ABL1: variants seen among roughly 807,000 people sequenced by gnomAD.
ABL1 encodes the protein tyrosine-protein kinase ABL1.
A neutral mutation model predicts 94.7 loss-of-function variants in ABL1; 11 were observed. That is an observed-to-expected ratio of 0.12 (90% CI 0.07 to 0.19). The LOEUF (loss-of-function observed/expected upper bound fraction) is 0.19, where lower values mean the gene tolerates loss of function less well. Among genes scored for constraint, ABL1 ranks in the 10% least tolerant of loss-of-function variants. The probability of loss-of-function intolerance (pLI) is 1.00; values close to 1 mark genes in which losing one functional copy is unlikely to be tolerated. For missense variants in ABL1, 1,082 were observed against 1,489.4 expected, an observed-to-expected ratio of 0.73 and a Z score of 4.50; for synonymous variants, 656 against 622.4, an observed-to-expected ratio of 1.05 and a Z score of -0.80.
At chr9:130,813,669 A>G (rs1483837834) in intron 1 of ABL1, among the ~76,000 whole-genome samples, 2 of 152,160 alleles carry the variant, frequency 1.3e-5, no homozygotes, top group Non-Finnish European at 2.9e-5. Flanking sequence ...ATATTTGGAA[A>G]ATAACATAAT....
rs894773246 is a variant in ABL1, at chr9:130,862,364, T to C, written c.550-399T>C. On this transcript the variant is annotated intron_variant, in intron 3 of 10. Coordinates refer to ENST00000318560, the MANE Select transcript of ABL1 (RefSeq NM_005157.6). The surrounding 1 kb of genome is among the most constrained non-coding windows in gnomAD (Gnocchi z 5.5). The stretch of plus-strand genomic sequence containing the variant: ...AAATTATGAGCTAGTAGTGGGTCCA[T>C]TGCTGAGAAGTAAGACAGGTGGTAG... Among the ~76,000 whole-genome samples, 1 of 152,176 alleles carries C rather than the reference T, an allele frequency of 6.6e-6. No individual in the cohort carries two copies. The highest frequency in any genetic ancestry group is 6.5e-5 in the Admixed American group (1 of 15,276).
intron 1 of ABL1, among the ~76,000 whole-genome samples, chr9:130,812,546 A>C (rs979749459): frequency 1.3e-5 from 2 of 151,350 alleles, no homozygotes; most frequent in African/African-American, 4.9e-5. Flanking sequence ...CCTTAGTGGC[A>C]TATTAAACAA....
intron 1 of ABL1, among the ~76,000 whole-genome samples, chr9:130,750,940 C>T (rs1223202647): frequency 2.6e-5 from 4 of 151,308 alleles, no homozygotes; most frequent in African/African-American, 4.9e-5. Context: ...CCACCACGCC[C>T]GGCCTACATG....
intron 4 of ABL1, among the ~76,000 whole-genome samples, chr9:130,869,214 A>G (rs574677840): frequency 3.3e-5 from 5 of 152,286 alleles, no homozygotes; most frequent in East Asian, 1.9e-4. Context: ...GGGAGAATGT[A>G]TCTGTGAGAA....
At chr9:130,742,844 A>G (rs1831837184) in intron 1 of ABL1, among the ~76,000 whole-genome samples, 1 of 152,042 alleles carries the variant, frequency 6.6e-6, no homozygotes, top group South Asian at 2.1e-4. Flanking sequence ...ATTATATAAT[A>G]TATACTGTAT....
At chr9:130,788,519 C>T (rs912208036) in intron 1 of ABL1, among the ~76,000 whole-genome samples, 7 of 152,122 alleles carry the variant, frequency 4.6e-5, no homozygotes, top group African/African-American at 1.4e-4. Context: ...TTTTATTTAA[C>T]CTAAAATCCG....
intron 4 of ABL1, among the ~76,000 whole-genome samples, chr9:130,864,282 G>A (rs1402470899): frequency 6.6e-6 from 1 of 152,110 alleles, no homozygotes. Flanking sequence ...GTCTTACTCT[G>A]TTGCCTAGGC....
intron 1 of ABL1, among the ~76,000 whole-genome samples, chr9:130,729,023 TTACTG>T (rs1472299873): frequency 6.6e-6 from 1 of 152,244 alleles, no homozygotes; most frequent in Non-Finnish European, 1.5e-5. Context: ...GTTACTTAAA[TTACTG>T]TAAGTGACTG....
chr9:130,735,477 G>T (rs571431077), intron 1 of ABL1, among the ~76,000 whole-genome samples: 19 of 143,930 alleles, frequency 1.3e-4, no homozygotes, highest in South Asian at 6.6e-4. Flanking sequence ...TTTGTGTGTG[G>T]TTTTTTTTTT....
chr9:130,836,938 C>G (rs1335110974), intron 1 of ABL1, among the ~76,000 whole-genome samples: 1 of 151,518 alleles, frequency 6.6e-6, no homozygotes, highest in South Asian at 2.1e-4. Flanking sequence ...GAGAAATAAA[C>G]AGGCCTCATT....
intron 1 of ABL1, among the ~76,000 whole-genome samples, chr9:130,828,119 C>G (rs58315296): frequency 0.035 from 5,267 of 151,886 alleles, 132 homozygotes; most frequent in African/African-American, 0.067. Context: ...TACATGGTCT[C>G]TGTCACCCAG....
At chr9:130,796,747 G>A (rs1829978251) in intron 1 of ABL1, among the ~76,000 whole-genome samples, 1 of 150,010 alleles carries the variant, frequency 6.7e-6, no homozygotes, top group African/African-American at 2.5e-5. Flanking sequence ...AAAAAACAAT[G>A]TCTTTCTCTG....
intron 1 of ABL1, among the ~76,000 whole-genome samples, chr9:130,811,500 G>A (rs1236309006): frequency 6.6e-6 from 1 of 152,192 alleles, no homozygotes; most frequent in Admixed American, 6.5e-5. Flanking sequence ...CTGGGAGTGG[G>A]AGAACAAATA....
chr9:130,787,465 C>T (rs115705876), intron 1 of ABL1, among the ~76,000 whole-genome samples: 4 of 152,236 alleles, frequency 2.6e-5, no homozygotes, highest in African/African-American at 7.2e-5. Flanking sequence ...ATCCAGCAGA[C>T]GATCATATTT....
rs376401722 is a variant in ABL1 at position 130,753,185 on chromosome 9, A to T, written c.136+38730A>T. Among the ~76,000 whole-genome samples, 1,155 of 151,736 alleles carry T rather than the reference A, an allele frequency of 7.6e-3. 5 individuals are homozygous for T. The highest frequency in any genetic ancestry group is 0.013 in the Non-Finnish European group (876 of 67,918). The stretch of plus-strand genomic sequence containing the variant: ...GGCAGGAGAATGGCGTGAACCCGGG[A>T]GGCAGAGCTTGCAGTGAGCCAAGAT... On this transcript the variant is annotated intron_variant, in intron 1 of 10. Transcript: ENST00000372348.
chr9:130,851,561 C>CT (rs1038986098), intron 1 of ABL1, among the ~76,000 whole-genome samples: 13 of 151,538 alleles, frequency 8.6e-5, no homozygotes, highest in Admixed American at 2.0e-4. Context: ...GGTTCTTTTT[C>CT]TTTTTTTAAA....
At chr9:130,809,415 A>T (rs200486780) in intron 1 of ABL1, among the ~76,000 whole-genome samples, 2,310 of 97,320 alleles carry the variant, frequency 0.024, 13 homozygotes, top group East Asian at 0.04. Context: ...AGAGAGAGAG[A>T]GAGTGTGTGT....
chr9:130,721,448 C>T (rs959134353), intron 1 of ABL1, among the ~76,000 whole-genome samples: 1 of 152,116 alleles, frequency 6.6e-6, no homozygotes, highest in Admixed American at 6.6e-5. Flanking sequence ...GTGGCTCATG[C>T]CTGTAATCCC....
chr9:130,846,224 G>T (rs1055275401), intron 1 of ABL1, among the ~76,000 whole-genome samples: 1 of 152,220 alleles, frequency 6.6e-6, no homozygotes, highest in East Asian at 1.9e-4. Context: ...CAAAATGTGG[G>T]AAATAATACT....
Sources: gnomAD v4.1 joint callset for allele counts (sites outside exome capture counted in the v4.1 genomes callset) on GRCh38, gnomAD v4.1.1 for gene constraint, Gnocchi (gnomAD v3.1) non-coding constraint, MANE v1.5 for transcripts, NCBI Gene and HGNC (gene_info 2026-07-23, HGNC 2026-07-21) for gene names.